The following PIK3AP1 variants were observed in gnomAD, a reference collection of about 807,000 sequenced individuals.
PIK3AP1 encodes the protein phosphoinositide-3-kinase adaptor protein 1.
Under a neutral mutation model 88.1 loss-of-function variants are expected in PIK3AP1, and 21 were observed. That is an observed-to-expected ratio of 0.24 (90% CI 0.17 to 0.34). The LOEUF is 0.34. Among genes scored for constraint, PIK3AP1 ranks in the 10% least tolerant of loss-of-function variants. PIK3AP1 has a pLI of 1.00. For synonymous variants in PIK3AP1, 398 were observed against 400.0 expected (o/e 1.00, Z 0.06); for missense variants, 828 against 1,035.7 (o/e 0.80, Z 2.75).
chr10:96,666,792 T>C (rs1197318759), intron 2 of PIK3AP1, among the ~76,000 whole-genome samples: 1 of 151,912 alleles, frequency 6.6e-6, no homozygotes, highest in African/African-American at 2.4e-5. Context: ...ATTTTATAGA[T>C]GAAAATCCAG....
chr10:96,647,477 A>C (rs1843475354), intron 7 of PIK3AP1, among the ~76,000 whole-genome samples: 1 of 152,224 alleles, frequency 6.6e-6, no homozygotes, highest in South Asian at 2.1e-4. Flanking sequence ...AACTATTGGC[A>C]TGGAAATGAA....
At chr10:96,718,735 C>T (rs760942204) in intron 1 of PIK3AP1, among the ~76,000 whole-genome samples, 17 of 152,252 alleles carry the variant, frequency 1.1e-4, no homozygotes, top group Non-Finnish European at 2.4e-4. Context: ...CAGACTCTTC[C>T]ACCCAAAGGC....
intron 2 of PIK3AP1, among the ~76,000 whole-genome samples, chr10:96,693,441 G>GTGGATGGATGGATGGA (rs3979613): frequency 0.45 from 67,334 of 150,522 alleles, 15,252 homozygotes; most frequent in Middle Eastern, 0.55. Flanking sequence ...AGATAGATGA[G>GTGGATGGATGGATGGA]TGGATGGATG....
At chr10:96,717,249 C>T (rs1198397903) in intron 1 of PIK3AP1, among the ~76,000 whole-genome samples, 1 of 132,446 alleles carries the variant, frequency 7.6e-6, no homozygotes, top group Non-Finnish European at 1.6e-5. Flanking sequence ...CAGAGTGAGA[C>T]TCCGTCTCAA....
At position 96,633,262 on chromosome 10, in the gene PIK3AP1, T is replaced by C. The variant is rs1843270959; in HGVS notation, c.1376-4769A>G. On this transcript the variant is annotated intron_variant, in intron 8 of 16. Coordinates refer to ENST00000339364, the MANE Select transcript of PIK3AP1 (RefSeq NM_152309.3). Reference sequence around the variant, plus strand: ...CATTTTTATTGTAGGCAATGTTGCCTGGAAACATAGTTGACATTTGGCTCT... The same window carrying C: ...CATTTTTATTGTAGGCAATGTTGCCCGGAAACATAGTTGACATTTGGCTCT... The C allele has an allele frequency of 9.6e-6, 5 of 519,934 alleles. No homozygotes were observed. The South Asian group carries it at 1.9e-4, about 20-fold the overall frequency. The allele number at this position is 519,934 out of a possible 1,614,324, so 32.2% of individuals were successfully genotyped here. A position where few individuals can be genotyped will look rare whatever the true frequency, so the allele number is the denominator to read the frequency against.
intron 16 of PIK3AP1, among the ~76,000 whole-genome samples, chr10:96,596,089 C>T (rs1022335179): frequency 6.6e-6 from 1 of 152,148 alleles, no homozygotes; most frequent in African/African-American, 2.4e-5. Flanking sequence ...ATATACCTTT[C>T]GTATGCAAAC....
At chr10:96,682,272 T>C (rs752865582) in intron 2 of PIK3AP1, among the ~76,000 whole-genome samples, 5 of 152,110 alleles carry the variant, frequency 3.3e-5, no homozygotes, top group Non-Finnish European at 7.4e-5. Flanking sequence ...TTATTACTCC[T>C]CTGCTGATTT....
intron 6 of PIK3AP1, among the ~76,000 whole-genome samples, chr10:96,650,340 T>A (rs1369751527): frequency 6.6e-6 from 1 of 152,168 alleles, no homozygotes; most frequent in Non-Finnish European, 1.5e-5. Flanking sequence ...AACCATGGCA[T>A]GAAGGAACGG....
chr10:96,657,091 C>T (rs187174874), intron 2 of PIK3AP1, among the ~76,000 whole-genome samples, 157 bp from the exon 3 acceptor site: 25 of 152,120 alleles, frequency 1.6e-4, no homozygotes, highest in African/African-American at 5.1e-4. Context: ...TCATGAAAGG[C>T]GACCTAATGA....
chr10:96,603,039 G>A (rs1017465399), intron 15 of PIK3AP1, among the ~76,000 whole-genome samples: 9 of 152,236 alleles, frequency 5.9e-5, no homozygotes, highest in African/African-American at 1.2e-4. Context: ...CCCAGAGCAC[G>A]GCCCCTAACC....
At chr10:96,603,705 CACACACCACAT>C (rs1848948934) in intron 15 of PIK3AP1, 10 of 220,360 alleles carry the variant, frequency 4.5e-5, no homozygotes, top group East Asian at 1.0e-4. Context: ...CACACACACA[CACACACCACAT>C]ATATATATAT....
chr10:96,656,859 A>G lies in PIK3AP1; in HGVS notation c.506T>C (p.Leu169Pro), dbSNP rs1394908929. ...GTTCCCAGGTGAAGTCACCGTCGGC[A>G]GGTTCTGCTGCTTCGAGTAGGAAAC... ...KVVSYSKQQN[L>P]PTVTSPGNLM... is the part of the protein sequence containing the mutation. The change falls in exon 3 of 17, where the codon CTG becomes CCG. Residue 169 changes from leucine to proline, a missense_variant. This residue lies in a region of PIK3AP1 where 610 missense variants were observed against 760.1 expected (regional missense o/e 0.80). Coordinates refer to ENST00000339364, the MANE Select transcript of PIK3AP1 (RefSeq NM_152309.3). 3 of 1,614,044 alleles carry G rather than the reference A, an allele frequency of 1.9e-6. No homozygotes were observed. The highest frequency in any genetic ancestry group is 2.5e-6 in the Non-Finnish European group (3 of 1,180,042).
chr10:96,629,936 G>GAAGAAA lies in PIK3AP1; in HGVS notation c.1376-1444_1376-1443insTTTCTT, dbSNP rs1327860175. Reference sequence around the variant, plus strand: ...AAAAAAAAAAAAAAAAAAAAAAGAAGAAGAAGAAGAAGAAGAAGAAGAAAG... The same window carrying GAAGAAA: ...AAAAAAAAAAAAAAAAAAAAAAGAAGAAGAAAAAGAAGAAGAAGAAGAAGAAGAAAG... On this transcript the variant is annotated intron_variant, in intron 8 of 16. Coordinates refer to ENST00000339364, the MANE Select transcript of PIK3AP1 (RefSeq NM_152309.3). Among the ~76,000 whole-genome samples, 10 of 46,614 alleles carry GAAGAAA rather than the reference G, an allele frequency of 2.1e-4. No homozygotes were observed. The East Asian group carries it at 3.2e-3, about 15-fold the overall frequency. 30.6% of individuals were successfully genotyped at this position (46,614 alleles called of 152,430 possible).
At chr10:96,607,228 G>C (rs1849017652) in intron 14 of PIK3AP1, among the ~76,000 whole-genome samples, 1 of 152,094 alleles carries the variant, frequency 6.6e-6, no homozygotes, top group Admixed American at 6.6e-5. Context: ...TTTCTATTTG[G>C]AAGGCAGTAC....
At chr10:96,636,139 C>G (rs1843309261) in intron 8 of PIK3AP1, among the ~76,000 whole-genome samples, 1 of 152,134 alleles carries the variant, frequency 6.6e-6, no homozygotes, top group South Asian at 2.1e-4. Flanking sequence ...ACTGCTTGAA[C>G]CCGGGAGGCA....
In PIK3AP1 at chr10:96,602,351, T is replaced by G. The variant is rs958439066; in HGVS notation, c.2289A>C (p.Pro763=). ...EVTRSRSPGP[P]QVDGTPTMSL... Reference sequence around the variant, plus strand: ...ACATGGTGGGTGTCCCATCCACTTGTGGGGGGCCTGGACTGCGACTTCTGG... The same window carrying G: ...ACATGGTGGGTGTCCCATCCACTTGGGGGGGGCCTGGACTGCGACTTCTGG... Residue 763 remains proline, a synonymous_variant, in exon 16 of 17, where the codon CCA becomes CCC. Coordinates refer to ENST00000339364, the MANE Select transcript of PIK3AP1 (RefSeq NM_152309.3). 1.2e-6 allele frequency: 2 copies of G among 1,612,376 alleles called. No homozygotes were observed. The highest frequency in any genetic ancestry group is 1.7e-6 in the Non-Finnish European group (2 of 1,179,114).
chr10:96,716,516 C>T (rs1470913764), intron 1 of PIK3AP1, among the ~76,000 whole-genome samples: 2 of 152,084 alleles, frequency 1.3e-5, no homozygotes, highest in African/African-American at 4.8e-5. Context: ...ATCACCTTCC[C>T]GAATATTGCT....
Position 96,602,265 on chromosome 10 carries a change from C to A in PIK3AP1, c.2360+15G>T. On this transcript the variant is annotated intron_variant, in intron 16 of 16. Transcript: ENST00000339364. ...CAGAGATAAGGGAAAAATTTCATAT[C>A]AGTTTTGATGTTACCTCTGTGAGGC... The A allele has an allele frequency of 6.4e-7, 1 of 1,572,406 alleles. No homozygotes were observed. The highest frequency in any genetic ancestry group is 8.7e-7 in the Non-Finnish European group (1 of 1,148,440).
At chr10:96,705,582 T>TC in intron 2 of PIK3AP1, among the ~76,000 whole-genome samples, 1 of 145,852 alleles carries the variant, frequency 6.9e-6, no homozygotes, top group Non-Finnish European at 1.5e-5. Flanking sequence ...TGCATTTCTT[T>TC]TTTTTTTTTT....
Sources: gnomAD v4.1 joint callset for allele counts (sites outside exome capture counted in the v4.1 genomes callset) on GRCh38, gnomAD v4.1.1 for gene constraint, gnomAD v4.1.1 regional missense constraint, MANE v1.5 for transcripts, NCBI Gene and HGNC (gene_info 2026-07-23, HGNC 2026-07-21) for gene names.